The following MYO16 variants were observed in gnomAD, a reference collection of about 807,000 sequenced individuals.
The protein encoded by MYO16 is unconventional myosin-XVI.
Under a neutral mutation model 205.3 loss-of-function variants are expected in MYO16, and 94 were observed. The ratio of observed to expected loss-of-function variants is 0.46; its 90% CI spans 0.39 to 0.54. The LOEUF (loss-of-function observed/expected upper bound fraction) is 0.54, where lower values mean the gene tolerates loss of function less well. MYO16 is among the 20% of genes least tolerant of loss of function. The pLI is 0.00. For synonymous variants in MYO16, 988 were observed against 954.0 expected, an observed-to-expected ratio of 1.04 and a Z score of -0.66; for missense variants, 2,315 against 2,387.5, an observed-to-expected ratio of 0.97 and a Z score of 0.63.
chr13:108,916,334 A>G (rs1881494083), intron 16 of MYO16, among the ~76,000 whole-genome samples: 1 of 152,218 alleles, frequency 6.6e-6, no homozygotes, highest in African/African-American at 2.4e-5. Context: ...TTGTATAGTG[A>G]GATGTCACCC....
chr13:108,953,292 A>C (rs1883223879), intron 16 of MYO16, among the ~76,000 whole-genome samples: 1 of 152,206 alleles, frequency 6.6e-6, no homozygotes, highest in Admixed American at 6.5e-5. Context: ...CAAAATGTTT[A>C]TTTTACTCGG....
chr13:109,100,810 C>CTGCGTGAGAAGAAGGAACAG lies in MYO16; in HGVS notation c.3363_3382dup (p.Ser1128CysfsTer34), dbSNP rs1888939581. ...GTATAAGCCACTGGCTGATACATTC[C>CTGCGTGAGAAGAAGGAACAG]TGCGTGAGAAGAAGGAACAGTCAGC... is the stretch of plus-strand genomic sequence containing the variant. On this transcript the variant is annotated frameshift_variant, in exon 28 of 35. Transcript: ENST00000457511. LOFTEE classifies it high-confidence loss of function. The CTGCGTGAGAAGAAGGAACAG allele has an allele frequency of 6.2e-7, 1 of 1,613,498 alleles. No individual in the cohort carries two copies. The highest frequency in any genetic ancestry group is 1.7e-5 in the Admixed American group (1 of 59,988).
chr13:108,579,464 G>A, the MYO16 span, among the ~76,000 whole-genome samples: 1 of 124,968 alleles, frequency 8.0e-6, no homozygotes, highest in Non-Finnish European at 1.6e-5. Flanking sequence ...TTTTTGAGAT[G>A]GAGTCTCACT....
chr13:108,620,555 G>A (rs988315961), intron 1 of MYO16, among the ~76,000 whole-genome samples: 1 of 152,124 alleles, frequency 6.6e-6, no homozygotes, highest in Non-Finnish European at 1.5e-5. Context: ...TCCAGTATTG[G>A]CAACATTAGA....
At chr13:108,773,501 C>T (rs1244354949) in intron 4 of MYO16, among the ~76,000 whole-genome samples, 1 of 152,134 alleles carries the variant, frequency 6.6e-6, no homozygotes, top group Non-Finnish European at 1.5e-5. Flanking sequence ...GTGACAGCAT[C>T]ACCCCAATCT....
intron 33 of MYO16, among the ~76,000 whole-genome samples, chr13:109,166,210 C>G (rs1156978593): frequency 6.6e-6 from 1 of 152,008 alleles, no homozygotes; most frequent in Non-Finnish European, 1.5e-5. Flanking sequence ...GTTTACTCAG[C>G]CCCCCACGAA....
intron 27 of MYO16, among the ~76,000 whole-genome samples, chr13:109,074,502 G>A (rs1024417457): frequency 1.3e-5 from 2 of 152,148 alleles, no homozygotes; most frequent in Admixed American, 6.6e-5. Flanking sequence ...AGAGCAAGGG[G>A]GGAAGTGCCA....
intron 11 of MYO16, 36 bp from the exon 12 acceptor site, chr13:108,866,141 A>G (rs370127468): frequency 5.1e-6 from 7 of 1,380,326 alleles, no homozygotes; most frequent in Admixed American, 2.0e-5. Context: ...TGCTATTTAT[A>G]TGACTCATGA....
At chr13:108,757,896 C>G (rs1885475140) in intron 4 of MYO16, among the ~76,000 whole-genome samples, 1 of 152,174 alleles carries the variant, frequency 6.6e-6, no homozygotes, top group Non-Finnish European at 1.5e-5. Flanking sequence ...GTATGCGACA[C>G]AATGCCTGGA....
intron 4 of MYO16, among the ~76,000 whole-genome samples, chr13:108,770,146 T>C (rs1018282096): frequency 6.6e-6 from 1 of 152,206 alleles, no homozygotes; most frequent in Non-Finnish European, 1.5e-5. Context: ...TATAGGCATG[T>C]AATATTCTCA....
At chr13:108,784,551 CTG>C (rs1292938871) in intron 4 of MYO16, among the ~76,000 whole-genome samples, 1 of 152,008 alleles carries the variant, frequency 6.6e-6, no homozygotes, top group African/African-American at 2.4e-5. Flanking sequence ...CTTTGGAAAT[CTG>C]TGCAGACTTG....
At chr13:108,906,080 C>A (rs1012739306) in intron 15 of MYO16, among the ~76,000 whole-genome samples, 2 of 152,098 alleles carry the variant, frequency 1.3e-5, no homozygotes. Context: ...TAACCATCAC[C>A]CCAAACTCTT....
At chr13:108,558,984 AT>A in the MYO16 span, among the ~76,000 whole-genome samples, 508 of 146,454 alleles carry the variant, frequency 3.5e-3, 3 homozygotes, top group South Asian at 6.5e-3. Context: ...TGAGATGTTG[AT>A]TTTTTTTTTT....
At chr13:109,157,920 C>A (rs192852997) in intron 32 of MYO16, among the ~76,000 whole-genome samples, 2 of 152,138 alleles carry the variant, frequency 1.3e-5, no homozygotes, top group Admixed American at 1.3e-4. Context: ...GCTCCATAAC[C>A]CCTCTAAAAT....
At chr13:108,588,414 C>T in the MYO16 span, among the ~76,000 whole-genome samples, 1 of 152,156 alleles carries the variant, frequency 6.6e-6, no homozygotes, top group Non-Finnish European at 1.5e-5. Context: ...GTGGGGCATA[C>T]ATAAAACATC....
At chr13:109,050,911 G>T (rs76500978) in intron 24 of MYO16, among the ~76,000 whole-genome samples, 5,250 of 149,796 alleles carry the variant, frequency 0.035, 132 homozygotes, top group South Asian at 0.058. Context: ...TTCCAAAAAT[G>T]TTCCAGAATC....
At chr13:109,070,827 C>T (rs989352876) in intron 27 of MYO16, among the ~76,000 whole-genome samples, 3 of 152,114 alleles carry the variant, frequency 2.0e-5, no homozygotes, top group Admixed American at 6.6e-5. Context: ...AATTTATACA[C>T]GGAAATATGT....
intron 7 of MYO16, among the ~76,000 whole-genome samples, chr13:108,808,456 C>T (rs569419457): frequency 5.9e-5 from 9 of 151,980 alleles, no homozygotes; most frequent in East Asian, 3.9e-4. Flanking sequence ...GGACTACAGG[C>T]GCTCACCACC....
At chr13:108,551,100 C>T in the MYO16 span, among the ~76,000 whole-genome samples, 111 of 152,246 alleles carry the variant, frequency 7.3e-4, no homozygotes, top group Non-Finnish European at 1.1e-3. Context: ...TTAATCTGTA[C>T]TTTTCTTAAA....
Sources: gnomAD v4.1 joint callset for allele counts (sites outside exome capture counted in the v4.1 genomes callset) on GRCh38, gnomAD v4.1.1 for gene constraint, MANE v1.5 for transcripts, NCBI Gene and HGNC (gene_info 2026-07-23, HGNC 2026-07-21) for gene names.